Variants in THSD4 observed in about 807,000 individuals in gnomAD.
THSD4 encodes thrombospondin type-1 domain-containing protein 4.
A neutral mutation model predicts 119.0 loss-of-function variants in THSD4; 69 were observed. The ratio of observed to expected loss-of-function variants is 0.58; its 90% confidence interval spans 0.48 to 0.71. The LOEUF is 0.71. THSD4 is among the 30% of genes least tolerant of loss of function. The pLI is 0.00. For synonymous variants in THSD4, 524 were observed against 540.4 expected (o/e 0.97, Z 0.42); for missense variants, 1,393 against 1,391.1 (o/e 1.00, Z -0.02).
chr15:71,514,492 C>A (rs1022087654), intron 7 of THSD4, among the ~76,000 whole-genome samples: 1 of 152,158 alleles, frequency 6.6e-6, no homozygotes, highest in Non-Finnish European at 1.5e-5. Context: ...TGGAATGTTA[C>A]AAATCAATTC....
chr15:71,355,390 TCATGTGTGTGTGCATGCATGTG>T (rs2045795703), intron 6 of THSD4, among the ~76,000 whole-genome samples: 1 of 152,188 alleles, frequency 6.6e-6, no homozygotes, highest in African/African-American at 2.4e-5. Context: ...GCTGTGTGTG[TCATGTGTGTGTGCATGCATGTG>T]CATGTGTGTG....
At chr15:71,544,263 C>T (rs541122755) in intron 7 of THSD4, among the ~76,000 whole-genome samples, 20 of 152,242 alleles carry the variant, frequency 1.3e-4, no homozygotes, top group Admixed American at 2.6e-4. Flanking sequence ...TGCCACCTAC[C>T]GCTGTGTGAC....
chr15:71,400,262 G>C (rs2046510407), intron 6 of THSD4, among the ~76,000 whole-genome samples: 1 of 152,124 alleles, frequency 6.6e-6, no homozygotes, highest in Admixed American at 6.5e-5. Context: ...TTGCATTTAA[G>C]CTTTAATAAT....
chr15:71,339,134 A>C (rs778029420), intron 6 of THSD4, among the ~76,000 whole-genome samples: 1 of 152,164 alleles, frequency 6.6e-6, no homozygotes, highest in African/African-American at 2.4e-5. Context: ...TTCTGCCCTT[A>C]AGATATCACT....
In THSD4 at chr15:71,744,278, A is replaced by C. The variant is rs554513242; in HGVS notation, c.1907-828A>C. ...AAACAAAAAACCTAAAACAGTTATA[A>C]ACATTCATTCAACACCATTCAAACA... On this transcript the variant is annotated intron_variant, in intron 11 of 17. Coordinates refer to ENST00000261862, the MANE Select transcript of THSD4 (RefSeq NM_024817.3). Among the ~76,000 whole-genome samples the C allele has an allele frequency of 9.6e-4, 146 of 152,218 alleles. 1 individual carries two copies. The highest frequency in any genetic ancestry group is 3.4e-3 in the African/African-American group (142 of 41,536).
intron 4 of THSD4, among the ~76,000 whole-genome samples, chr15:71,236,946 G>A (rs1243136058): frequency 2.0e-5 from 3 of 152,236 alleles, no homozygotes. Flanking sequence ...ATCCTGAAGG[G>A]TGACTAGGTC....
chr15:71,499,958 C>A (rs1207648412), intron 7 of THSD4, among the ~76,000 whole-genome samples: 1 of 152,154 alleles, frequency 6.6e-6, no homozygotes, highest in Non-Finnish European at 1.5e-5. Flanking sequence ...GTGCAAATAT[C>A]TCTTCAAGGT....
At chr15:71,684,407 C>T (rs1160621644) in intron 8 of THSD4, among the ~76,000 whole-genome samples, 1 of 151,952 alleles carries the variant, frequency 6.6e-6, no homozygotes, top group Non-Finnish European at 1.5e-5. Context: ...GTGAATGCTC[C>T]TAATTTTTAC....
At position 71,748,304 on chromosome 15, in the gene THSD4, G is replaced by A. The variant is rs2053378021; in HGVS notation, c.2242-117G>A. 7.1e-6 allele frequency: 9 copies of A among 1,274,364 alleles called. No individual in the cohort carries two copies. The South Asian group carries it at 1.3e-4, about 18-fold the overall frequency. The allele number at this position is 1,274,364 out of a possible 1,614,324, so 78.9% of individuals were successfully genotyped here. A position where few individuals can be genotyped will look rare whatever the true frequency, so the allele number is the denominator to read the frequency against. On this transcript the variant is annotated intron_variant, in intron 13 of 17. Coordinates refer to ENST00000261862, the MANE Select transcript of THSD4 (RefSeq NM_024817.3). ...AGATCCCTGCCCCAGCTGGTGACAT[G>A]CATGACAGAGCCTCAGTCTCATGGG...
chr15:71,277,815 C>CT lies in THSD4; in HGVS notation c.1015+21101dup, dbSNP rs548966298. ...TGTCCAGTGATCTTTGGATGGTCCA[C>CT]TGAAGGTAGATACCTCCCAGCCCTT... On this transcript the variant is annotated intron_variant, in intron 6 of 17. Coordinates refer to ENST00000261862, the MANE Select transcript of THSD4 (RefSeq NM_024817.3). Among the ~76,000 whole-genome samples, 57 of 152,266 alleles carry CT rather than the reference C, an allele frequency of 3.7e-4. No homozygotes were observed. In the South Asian group the frequency reaches 0.011, roughly 30 times the overall value.
intron 6 of THSD4, among the ~76,000 whole-genome samples, chr15:71,306,725 T>G (rs1015004514): frequency 2.0e-5 from 3 of 152,194 alleles, no homozygotes; most frequent in Non-Finnish European, 4.4e-5. Flanking sequence ...TGACAATGCA[T>G]AGTGCAGAGT....
intron 11 of THSD4, among the ~76,000 whole-genome samples, chr15:71,742,977 C>A (rs1425676617): frequency 2.0e-5 from 3 of 152,132 alleles, no homozygotes; most frequent in Non-Finnish European, 4.4e-5. Flanking sequence ...ATCACTTGAA[C>A]CCGGGAGGTG....
chr15:71,112,192 G>C (rs1336696949), upstream of THSD4: 2 of 1,613,826 alleles, frequency 1.2e-6, no homozygotes, highest in Non-Finnish European at 1.7e-6. Context: ...CAGGAGAAAT[G>C]GCTGAATGTT....
intron 1 of THSD4, among the ~76,000 whole-genome samples, chr15:71,130,108 G>A (rs1199299748): frequency 1.3e-5 from 2 of 152,332 alleles, no homozygotes; most frequent in African/African-American, 2.4e-5. Context: ...TGCATGCTGT[G>A]TACCAGGTAA....
At chr15:71,759,185 A>G (rs1195390159) in intron 15 of THSD4, among the ~76,000 whole-genome samples, 2 of 152,238 alleles carry the variant, frequency 1.3e-5, no homozygotes, top group Non-Finnish European at 2.9e-5. Flanking sequence ...ACTTCAATGT[A>G]GAGTTTTTAT....
chr15:71,725,565 G>A (rs1254125696), intron 8 of THSD4, among the ~76,000 whole-genome samples: 1 of 152,178 alleles, frequency 6.6e-6, no homozygotes, highest in African/African-American at 2.4e-5. Flanking sequence ...GAAAGCAAGG[G>A]GAGTGTGGTT....
In THSD4 at chr15:71,199,528, GTGTGTGGTGTGTGTA is replaced by G. The variant is rs1163661026; in HGVS notation, c.100-15487_100-15473del. Among the ~76,000 whole-genome samples the G allele has an allele frequency of 5.8e-3, 826 of 143,388 alleles. 21 individuals carry two copies. The highest frequency in any genetic ancestry group is 0.02 in the African/African-American group (751 of 36,990). 94.1% of individuals were successfully genotyped at this position (143,388 alleles called of 152,430 possible). A position where few individuals can be genotyped will look rare whatever the true frequency, so the allele number is the denominator to read the frequency against. On this transcript the variant is annotated intron_variant, in intron 3 of 17. Coordinates refer to ENST00000261862, the MANE Select transcript of THSD4 (RefSeq NM_024817.3). The stretch of plus-strand genomic sequence containing the variant: ...TGTGTGTGTGTGGGGTGTGTGTGGG[GTGTGTGGTGTGTGTA>G]TGTGTGGTGTGTGTATGTGGTGTGT...
At position 71,642,295 on chromosome 15, in the gene THSD4, A is replaced by G. The variant is rs140918130; in HGVS notation, c.1153-18235A>G. Among the ~76,000 whole-genome samples, 1,018 of 152,276 alleles carry G rather than the reference A, an allele frequency of 6.7e-3. 18 individuals carry two copies. Among genetic ancestry groups the G allele is most frequent in the African/African-American group, 0.024 (987 of 41,538 alleles). On this transcript the variant is annotated intron_variant, in intron 7 of 17. Coordinates refer to ENST00000261862, the MANE Select transcript of THSD4 (RefSeq NM_024817.3). ...GAATGGCAATCATTAAAAAGTCTGG[A>G]AACAACAGGTGCTGGAGAGGATGCA...
chr15:71,407,808 T>C (rs2046628489), intron 6 of THSD4, among the ~76,000 whole-genome samples: 2 of 152,184 alleles, frequency 1.3e-5, no homozygotes, highest in African/African-American at 2.4e-5. Flanking sequence ...AACTTGACCA[T>C]GTCCTAGACC....
Sources: gnomAD v4.1 joint callset for allele counts (sites outside exome capture counted in the v4.1 genomes callset) on GRCh38, gnomAD v4.1.1 for gene constraint, MANE v1.5 for transcripts, NCBI Gene and HGNC (gene_info 2026-07-23, HGNC 2026-07-21) for gene names.